The following DAB1 variants were observed in gnomAD, a reference collection of about 807,000 sequenced individuals.
The protein encoded by DAB1 is disabled homolog 1.
In DAB1, 15 loss-of-function variants were observed where a neutral mutation model predicts 64.6. That is an observed-to-expected ratio of 0.23 (90% CI 0.16 to 0.36). DAB1 has a LOEUF of 0.36. DAB1 is among the 10% of genes least tolerant of loss of function. The pLI is 1.00. For synonymous variants in DAB1, 235 were observed against 251.9 expected (o/e 0.93, Z 0.64); for missense variants, 596 against 706.7 (o/e 0.84, Z 1.78).
intron 4 of DAB1, among the ~76,000 whole-genome samples, chr1:58,336,874 T>A (rs1386426880): frequency 1.3e-5 from 2 of 152,186 alleles, no homozygotes; most frequent in Non-Finnish European, 2.9e-5. Context: ...GATTTAGTAG[T>A]AGGATTTAAG....
At chr1:58,106,664 T>C (rs2806409) in intron 5 of DAB1, among the ~76,000 whole-genome samples, 2,430 of 152,278 alleles carry the variant, frequency 0.016, 61 homozygotes, top group African/African-American at 0.055. Context: ...CTCCTTCTCA[T>C]ACGTTGTAGA....
At chr1:58,233,193 T>A (rs551380220) in intron 4 of DAB1, among the ~76,000 whole-genome samples, 1 of 152,298 alleles carries the variant, frequency 6.6e-6, no homozygotes, top group South Asian at 2.1e-4. Context: ...CTAATGTAAA[T>A]TAAGTATATT....
chr1:57,536,218 G>A (rs1644725468), intron 7 of DAB1, among the ~76,000 whole-genome samples: 1 of 152,104 alleles, frequency 6.6e-6, no homozygotes. Flanking sequence ...CACAGACCCT[G>A]GCTTGGAACA....
chr1:58,193,745 G>A (rs1657517685), intron 4 of DAB1, among the ~76,000 whole-genome samples: 1 of 151,926 alleles, frequency 6.6e-6, no homozygotes, highest in African/African-American at 2.4e-5. Context: ...AATGCCAGCT[G>A]CTCGGGAGGC....
chr1:58,016,033 T>C (rs1446176167), intron 5 of DAB1, among the ~76,000 whole-genome samples: 29 of 152,016 alleles, frequency 1.9e-4, no homozygotes, highest in Admixed American at 1.8e-3. Flanking sequence ...ATACTGAAGA[T>C]GGTAGAGTCC....
At chr1:57,441,423 A>G (rs550856832) in intron 7 of DAB1, among the ~76,000 whole-genome samples, 1 of 150,544 alleles carries the variant, frequency 6.6e-6, no homozygotes, top group Admixed American at 6.6e-5. Flanking sequence ...TGACCTGAAC[A>G]TAGCTCATTG....
chr1:58,120,639 C>T (rs1051288614), intron 5 of DAB1, among the ~76,000 whole-genome samples: 3 of 152,168 alleles, frequency 2.0e-5, no homozygotes, highest in Non-Finnish European at 4.4e-5. Flanking sequence ...GGCAATGGCA[C>T]TAAAAGACTA....
chr1:57,403,805 G>T (rs1337833270), intron 1 of DAB1, among the ~76,000 whole-genome samples: 2 of 152,118 alleles, frequency 1.3e-5, no homozygotes, highest in Non-Finnish European at 2.9e-5. Context: ...CCTACACGGG[G>T]CCATTTAAAG....
chr1:58,407,601 C>A (rs139844182), intron 3 of DAB1, among the ~76,000 whole-genome samples: 74 of 152,242 alleles, frequency 4.9e-4, no homozygotes, highest in African/African-American at 1.7e-3. Flanking sequence ...AGGACAGCCA[C>A]CTACAACAAA....
chr1:57,975,976 G>A (rs1431107136), intron 5 of DAB1, among the ~76,000 whole-genome samples: 1 of 152,166 alleles, frequency 6.6e-6, no homozygotes, highest in African/African-American at 2.4e-5. Flanking sequence ...TGTCAACATC[G>A]GAGACTTCTT....
chr1:57,831,467 C>G (rs1008840210), intron 1 of DAB1, among the ~76,000 whole-genome samples: 7 of 151,738 alleles, frequency 4.6e-5, no homozygotes, highest in Non-Finnish European at 1.0e-4. Context: ...GGTAACCCCA[C>G]CAAATATTGC....
intron 1 of DAB1, among the ~76,000 whole-genome samples, chr1:57,321,483 C>T (rs1207975352): frequency 6.9e-6 from 1 of 145,782 alleles, no homozygotes; most frequent in Non-Finnish European, 1.5e-5. Flanking sequence ...ACTACTCTTT[C>T]GACTCCCAAG....
At chr1:57,489,350 G>C (rs1644133662) in intron 7 of DAB1, among the ~76,000 whole-genome samples, 1 of 152,136 alleles carries the variant, frequency 6.6e-6, no homozygotes, top group Non-Finnish European at 1.5e-5. Flanking sequence ...TTAGCTATTG[G>C]TAGATATTAG....
intron 5 of DAB1, among the ~76,000 whole-genome samples, chr1:58,060,814 T>C (rs1173113925): frequency 6.6e-6 from 1 of 152,242 alleles, no homozygotes; most frequent in Non-Finnish European, 1.5e-5. Context: ...TCTTCCATGA[T>C]TACCTTTGCT....
At chr1:57,204,891 A>T (rs556388285) in intron 2 of DAB1, among the ~76,000 whole-genome samples, 1 of 152,192 alleles carries the variant, frequency 6.6e-6, no homozygotes, top group Non-Finnish European at 1.5e-5. Context: ...ATTCTTCTTC[A>T]ACCTCCACCT....
chr1:58,316,080 T>G (rs1465098232), intron 4 of DAB1, among the ~76,000 whole-genome samples: 2 of 152,250 alleles, frequency 1.3e-5, no homozygotes, highest in Non-Finnish European at 2.9e-5. Flanking sequence ...TTAACCTCTC[T>G]GAGAGGCAAA....
intron 3 of DAB1, among the ~76,000 whole-genome samples, chr1:57,141,116 T>C (rs1242514201): frequency 2.0e-5 from 3 of 152,170 alleles, no homozygotes; most frequent in Non-Finnish European, 1.5e-5. Flanking sequence ...GTCTCCATTC[T>C]CCATTCTCAG....
rs376954750 is a variant in DAB1 at position 57,263,836 on chromosome 1, A to T, written c.67+27128T>A. 6.0e-4 allele frequency among the ~76,000 whole-genome samples: 92 copies of T among 152,344 alleles called. 1 individual carries two copies. The South Asian group carries it at 0.017, about 27-fold the overall frequency. ...TTTTTCAAAAGATGAAATTGGGACTAAAAATGGTTAGGTGACTTACTCAAG... is the reference window on the plus strand; with the variant it reads ...TTTTTCAAAAGATGAAATTGGGACTTAAAATGGTTAGGTGACTTACTCAAG... On this transcript the variant is annotated intron_variant, in intron 2 of 14. Coordinates refer to ENST00000371236, the MANE Select transcript of DAB1 (RefSeq NM_001365792.1).
chr1:58,151,083 G>A (rs1419829543), intron 4 of DAB1, among the ~76,000 whole-genome samples: 6 of 151,984 alleles, frequency 3.9e-5, no homozygotes, highest in African/African-American at 7.3e-5. Flanking sequence ...TTCTTAATCC[G>A]GTCTATCATT....
Sources: allele counts gnomAD v4.1 joint callset (sites outside exome capture counted in the v4.1 genomes callset), GRCh38; gene constraint gnomAD v4.1.1; transcripts MANE v1.5; gene names NCBI Gene and HGNC (gene_info 2026-07-23, HGNC 2026-07-21).